Variants in GRM5 observed in about 807,000 individuals in gnomAD.
GRM5 encodes the protein glutamate metabotropic receptor 5, also known as metabotropic glutamate receptor 5.
GRM5 carries 19 observed loss-of-function variants against 83.1 expected under a neutral mutation model. The ratio of observed to expected loss-of-function variants is 0.23; its 90% confidence interval spans 0.16 to 0.34. GRM5 has a LOEUF of 0.34. Ranked by LOEUF, GRM5 falls within the 10% of genes least tolerant of loss-of-function variation. The pLI, the probability that GRM5 is intolerant of heterozygous loss-of-function variation, is 1.00. For synonymous variants in GRM5, 675 were observed against 633.6 expected (o/e 1.07, Z -0.98); for missense variants, 1,160 against 1,588.3 (o/e 0.73, Z 4.58).
intron 4 of GRM5, among the ~76,000 whole-genome samples, chr11:88,617,895 T>C (rs1000378115): frequency 4.0e-5 from 6 of 151,714 alleles, no homozygotes; most frequent in African/African-American, 9.7e-5. Context: ...GAACCTGGAG[T>C]GGGACAGGGA....
intron 7 of GRM5, among the ~76,000 whole-genome samples, chr11:88,585,399 C>G (rs1332004628): frequency 6.6e-6 from 1 of 152,188 alleles, no homozygotes; most frequent in Non-Finnish European, 1.5e-5. Context: ...GCTAGATACA[C>G]ATTTATTGAA....
At chr11:88,987,477 G>T (rs1226852368) in intron 2 of GRM5, among the ~76,000 whole-genome samples, 5 of 151,956 alleles carry the variant, frequency 3.3e-5, no homozygotes, top group Admixed American at 6.6e-5. Context: ...AAACAAAGCA[G>T]CCAGGAAGCT....
At chr11:89,035,132 A>G (rs879260398) in intron 2 of GRM5, among the ~76,000 whole-genome samples, 10 of 151,758 alleles carry the variant, frequency 6.6e-5, no homozygotes, top group Non-Finnish European at 1.0e-4. Flanking sequence ...TACAAATAAT[A>G]TAACCAGAGA....
At chr11:88,764,671 A>C (rs991053981) in intron 3 of GRM5, among the ~76,000 whole-genome samples, 5 of 151,726 alleles carry the variant, frequency 3.3e-5, no homozygotes, top group African/African-American at 2.4e-5. Context: ...AAGTGAAAAC[A>C]CAATATACCA....
At chr11:88,790,602 T>C (rs1002896141) in intron 3 of GRM5, among the ~76,000 whole-genome samples, 8 of 152,106 alleles carry the variant, frequency 5.3e-5, no homozygotes, top group Non-Finnish European at 1.2e-4. Context: ...TGAGGCTCGA[T>C]GTATGTGACA....
intron 3 of GRM5, among the ~76,000 whole-genome samples, chr11:88,727,198 T>G (rs1941704818): frequency 6.6e-6 from 1 of 152,162 alleles, no homozygotes; most frequent in African/African-American, 2.4e-5. Context: ...GAGGAAGATC[T>G]ACCAAGCAAA....
chr11:88,742,672 C>T (rs957109086), intron 3 of GRM5, among the ~76,000 whole-genome samples: 12 of 152,098 alleles, frequency 7.9e-5, no homozygotes, highest in Non-Finnish European at 1.8e-4. Flanking sequence ...AAAGTACGAC[C>T]TCTCTGGAAC....
chr11:88,841,775 T>C (rs548189957), intron 3 of GRM5, among the ~76,000 whole-genome samples: 1 of 152,332 alleles, frequency 6.6e-6, no homozygotes, highest in South Asian at 2.1e-4. Flanking sequence ...CTGACACTTT[T>C]GTTCCCATGG....
intron 3 of GRM5, among the ~76,000 whole-genome samples, chr11:88,801,096 A>G (rs562652505): frequency 4.1e-4 from 62 of 152,280 alleles, no homozygotes; most frequent in Middle Eastern, 3.4e-3. Context: ...GAGGCATACC[A>G]TTAAGCCTTT....
At chr11:89,045,899 C>A (rs1307768682) in intron 2 of GRM5, among the ~76,000 whole-genome samples, 1 of 152,130 alleles carries the variant, frequency 6.6e-6, no homozygotes, top group Non-Finnish European at 1.5e-5. Context: ...TGTCAGTATT[C>A]TTCTTGTTAA....
intron 3 of GRM5, among the ~76,000 whole-genome samples, chr11:88,762,980 T>G (rs1942558097): frequency 1.3e-5 from 2 of 151,870 alleles, no homozygotes; most frequent in South Asian, 4.2e-4. Flanking sequence ...TGAGAACATG[T>G]GGACACATAG....
intron 2 of GRM5, among the ~76,000 whole-genome samples, chr11:89,041,437 G>A (rs1222863892): frequency 6.6e-6 from 1 of 152,210 alleles, no homozygotes; most frequent in Non-Finnish European, 1.5e-5. Flanking sequence ...GCTATCCCAG[G>A]CATTAGTCTC....
At chr11:88,768,587 T>C (rs1942667691) in intron 3 of GRM5, among the ~76,000 whole-genome samples, 1 of 151,438 alleles carries the variant, frequency 6.6e-6, no homozygotes, top group Non-Finnish European at 1.5e-5. Flanking sequence ...ATGTTGAATA[T>C]GATCCATTTT....
chr11:89,041,247 C>T (rs1030159957), intron 2 of GRM5, among the ~76,000 whole-genome samples: 48 of 152,196 alleles, frequency 3.2e-4, no homozygotes, highest in Non-Finnish European at 2.2e-4. Flanking sequence ...GAAGTGTCCA[C>T]AATTGCACAT....
intron 2 of GRM5, among the ~76,000 whole-genome samples, chr11:88,929,126 G>A (rs1270534487): frequency 6.6e-6 from 1 of 152,026 alleles, no homozygotes; most frequent in Non-Finnish European, 1.5e-5. Flanking sequence ...CACTACTGTT[G>A]CTCAAAAATT....
chr11:88,976,070 C>T (rs1939326577), intron 2 of GRM5, among the ~76,000 whole-genome samples: 1 of 152,054 alleles, frequency 6.6e-6, no homozygotes, highest in Non-Finnish European at 1.5e-5. Context: ...TATGTTGGTT[C>T]CACCTATTTG....
At chr11:88,998,669 T>C (rs1436694608) in intron 2 of GRM5, among the ~76,000 whole-genome samples, 1 of 152,146 alleles carries the variant, frequency 6.6e-6, no homozygotes, top group Admixed American at 6.5e-5. Context: ...GGCATGGCAG[T>C]CTAAATAGAT....
At chr11:88,785,888 G>T (rs1943059247) in intron 3 of GRM5, among the ~76,000 whole-genome samples, 1 of 152,126 alleles carries the variant, frequency 6.6e-6, no homozygotes, top group South Asian at 2.1e-4. Flanking sequence ...GATACTTGAT[G>T]TGTAAGAGCA....
intron 2 of GRM5, among the ~76,000 whole-genome samples, chr11:88,944,014 T>G (rs1424637343): frequency 6.6e-6 from 1 of 152,030 alleles, no homozygotes; most frequent in Non-Finnish European, 1.5e-5. Flanking sequence ...CTTGGCACTT[T>G]AATAGTGTTT....
Sources: gnomAD v4.1 joint callset for allele counts (sites outside exome capture counted in the v4.1 genomes callset) on GRCh38, gnomAD v4.1.1 for gene constraint, MANE v1.5 for transcripts, NCBI Gene and HGNC (gene_info 2026-07-23, HGNC 2026-07-21) for gene names.